The following CALN1 variants were observed in gnomAD, a reference collection of about 807,000 sequenced individuals.
CALN1 encodes the protein calcium-binding protein 8.
In CALN1, 17 loss-of-function variants were observed where a neutral mutation model predicts 30.6. The observed-to-expected ratio is 0.56, with a 90% CI of 0.38 to 0.83. The LOEUF is 0.83. Ranked by LOEUF, CALN1 falls within the 40% of genes least tolerant of loss-of-function variation. CALN1 has a pLI of 0.00. For synonymous variants in CALN1, 156 were observed against 131.4 expected, an observed-to-expected ratio of 1.19 and a Z score of -1.28; for missense variants, 291 against 354.9, an observed-to-expected ratio of 0.82 and a Z score of 1.45.
intron 3 of CALN1, among the ~76,000 whole-genome samples, chr7:72,233,032 T>C (rs948594628): frequency 6.6e-6 from 1 of 152,108 alleles, no homozygotes; most frequent in Non-Finnish European, 1.5e-5. Flanking sequence ...AATATGCATA[T>C]AATTTTATTG....
At chr7:71,883,612 G>C (rs1254663622) in intron 5 of CALN1, among the ~76,000 whole-genome samples, 1 of 152,110 alleles carries the variant, frequency 6.6e-6, no homozygotes, top group Non-Finnish European at 1.5e-5. Flanking sequence ...ACTGACTCAC[G>C]GTTAACCCTG....
intron 3 of CALN1, among the ~76,000 whole-genome samples, chr7:72,264,813 T>C (rs867346677): frequency 1.3e-5 from 2 of 152,180 alleles, no homozygotes; most frequent in Non-Finnish European, 1.5e-5. Flanking sequence ...AGTTATTTTT[T>C]CCTGATCCTC....
At chr7:72,119,082 T>C (rs1808198949) in intron 3 of CALN1, among the ~76,000 whole-genome samples, 1 of 152,212 alleles carries the variant, frequency 6.6e-6, no homozygotes, top group Admixed American at 6.5e-5. Flanking sequence ...GTGGTGAGAT[T>C]ACAGCTGATG....
At chr7:71,984,822 A>C (rs1307665420) in intron 5 of CALN1, among the ~76,000 whole-genome samples, 1 of 152,216 alleles carries the variant, frequency 6.6e-6, no homozygotes, top group Non-Finnish European at 1.5e-5. Flanking sequence ...ACTCTGGCTA[A>C]GCTTATGTAG....
intron 2 of CALN1, among the ~76,000 whole-genome samples, chr7:72,381,596 AG>A (rs757128676): frequency 4.4e-4 from 67 of 152,234 alleles, no homozygotes; most frequent in Non-Finnish European, 8.7e-4. Flanking sequence ...AAACTAACAC[AG>A]GAACAGAAAC....
chr7:71,895,476 C>A (rs974210451), intron 5 of CALN1, among the ~76,000 whole-genome samples: 2 of 152,108 alleles, frequency 1.3e-5, no homozygotes, highest in Admixed American at 6.5e-5. Flanking sequence ...CTCATTCATT[C>A]GACAAGAGTG....
chr7:72,393,706 C>A (rs553589689), intron 2 of CALN1, among the ~76,000 whole-genome samples: 1 of 151,368 alleles, frequency 6.6e-6, no homozygotes, highest in Admixed American at 6.6e-5. Flanking sequence ...GAATCAGGTG[C>A]CTAGGAGTCG....
At chr7:71,819,030 A>G (rs766239256) in intron 5 of CALN1, among the ~76,000 whole-genome samples, 2 of 151,408 alleles carry the variant, frequency 1.3e-5, no homozygotes, top group Non-Finnish European at 2.9e-5. Context: ...TTTAAAAAAT[A>G]GTTTTGTAAA....
intron 6 of CALN1, among the ~76,000 whole-genome samples, chr7:71,794,213 C>T (rs530092589): frequency 2.6e-4 from 40 of 152,208 alleles, no homozygotes; most frequent in Non-Finnish European, 5.6e-4. Flanking sequence ...CTGTTACGCC[C>T]AGGTTCAAAA....
At chr7:71,789,353 G>A (rs917991547) in intron 6 of CALN1, among the ~76,000 whole-genome samples, 1 of 152,162 alleles carries the variant, frequency 6.6e-6, no homozygotes, top group African/African-American at 2.4e-5. Flanking sequence ...GGAGGCAGAG[G>A]TTGCAGTGAG....
chr7:72,205,568 GTATATA>G (rs1253422246), intron 3 of CALN1, among the ~76,000 whole-genome samples: 2 of 91,804 alleles, frequency 2.2e-5, no homozygotes, highest in Non-Finnish European at 3.7e-5. Flanking sequence ...ATATATATAT[GTATATA>G]TATATATATA....
intron 2 of CALN1, among the ~76,000 whole-genome samples, chr7:72,317,960 T>C (rs1329871705): frequency 1.3e-5 from 2 of 152,182 alleles, no homozygotes; most frequent in African/African-American, 2.4e-5. Context: ...CTCTGTGCAA[T>C]AGATCAAATT....
chr7:72,113,502 A>C, intron 3 of CALN1, among the ~76,000 whole-genome samples: 1 of 152,230 alleles, frequency 6.6e-6, no homozygotes, highest in South Asian at 2.1e-4. Context: ...ATAGCAACAC[A>C]AAACAGACTA....
chr7:72,104,546 T>C (rs2129541130), intron 4 of CALN1, among the ~76,000 whole-genome samples: 1 of 152,258 alleles, frequency 6.6e-6, no homozygotes, highest in African/African-American at 2.4e-5. Flanking sequence ...CCCAATGCTC[T>C]CCCTCCCCAC....
At chr7:72,435,715 C>T (rs970912451) in intron 1 of CALN1, among the ~76,000 whole-genome samples, 5 of 152,068 alleles carry the variant, frequency 3.3e-5, no homozygotes, top group Middle Eastern at 3.2e-3. Context: ...TCCCTGGCTC[C>T]GGCACAAGCA....
chr7:71,823,215 C>T (rs1309368673), intron 5 of CALN1, among the ~76,000 whole-genome samples: 2 of 151,674 alleles, frequency 1.3e-5, no homozygotes, highest in East Asian at 1.9e-4. Flanking sequence ...CAGGGTCTCA[C>T]TCTGTGGCCC....
At chr7:72,330,444 G>A (rs1801588000) in intron 2 of CALN1, among the ~76,000 whole-genome samples, 1 of 147,858 alleles carries the variant, frequency 6.8e-6, no homozygotes. Context: ...CTCCAGCCTG[G>A]GCAACAGAGC....
intron 3 of CALN1, among the ~76,000 whole-genome samples, chr7:72,164,779 T>A (rs1232106625): frequency 6.6e-6 from 1 of 152,200 alleles, no homozygotes; most frequent in Non-Finnish European, 1.5e-5. Flanking sequence ...TCCTCCCACC[T>A]CAGCCTCCTG....
chr7:71,900,347 T>C (rs1793782148), intron 5 of CALN1, among the ~76,000 whole-genome samples: 1 of 152,188 alleles, frequency 6.6e-6, no homozygotes, highest in Admixed American at 6.5e-5. Flanking sequence ...GACACTCAAA[T>C]TGGAAAAGAC....
Sources: allele counts gnomAD v4.1 joint callset (sites outside exome capture counted in the v4.1 genomes callset), GRCh38; gene constraint gnomAD v4.1.1; transcripts MANE v1.5; gene names NCBI Gene and HGNC (gene_info 2026-07-23, HGNC 2026-07-21).